SFSWAP: variants seen among roughly 807,000 people sequenced by gnomAD.
SFSWAP encodes splicing factor SWAP.
A neutral mutation model predicts 100.7 loss-of-function variants in SFSWAP; 17 were observed. That is an observed-to-expected ratio of 0.17 (90% CI 0.12 to 0.25). SFSWAP has a LOEUF of 0.25. Ranked by LOEUF, SFSWAP falls within the 10% of genes least tolerant of loss-of-function variation. The pLI is 1.00. For missense variants in SFSWAP, 1,005 were observed against 1,262.6 expected (o/e 0.80, Z 3.09); for synonymous variants, 504 against 510.1 (o/e 0.99, Z 0.16).
chr12:131,789,206 T>A lies in SFSWAP; in HGVS notation c.2534+2618T>A, dbSNP rs1885089904. On this transcript the variant is annotated intron_variant, in intron 15 of 17. Transcript: ENST00000261674. ...CATGTTGCCCAGGATGGTCTCAAAATCCTGAGCTCAAGCAGTCTGCCTATC... is the reference window on the plus strand; with the variant it reads ...CATGTTGCCCAGGATGGTCTCAAAAACCTGAGCTCAAGCAGTCTGCCTATC... Among the ~76,000 whole-genome samples, 5 of 152,128 alleles carry A rather than the reference T, an allele frequency of 3.3e-5. No homozygotes were observed. In the South Asian group the frequency reaches 1.0e-3, roughly 32 times the overall value.
intron 7 of SFSWAP, among the ~76,000 whole-genome samples, chr12:131,746,871 A>G (rs993850670): frequency 1.3e-4 from 20 of 152,236 alleles, no homozygotes; most frequent in African/African-American, 2.9e-4. Context: ...TTGGGAGGCC[A>G]AGGCGGGCAG....
rs1328024246 is a variant in SFSWAP, at chr12:131,733,971, G to T, written c.1081+5543G>T. ...AGCCCTGAGCCCACCCTGGGGCAGG[G>T]TGACACATGGGAGCAGGTCAGTGCC... On this transcript the variant is annotated intron_variant, in intron 7 of 17. Coordinates refer to ENST00000261674, the MANE Select transcript of SFSWAP (RefSeq NM_004592.4). The surrounding 1 kb of genome is among the most constrained non-coding windows in gnomAD (Gnocchi z 5.1). 2.0e-5 allele frequency among the ~76,000 whole-genome samples: 3 copies of T among 152,216 alleles called. No individual in the cohort carries two copies. The highest frequency in any genetic ancestry group is 6.5e-5 in the Admixed American group (1 of 15,284).
intron 7 of SFSWAP, among the ~76,000 whole-genome samples, chr12:131,741,906 G>C (rs147779009): frequency 6.6e-6 from 1 of 152,072 alleles, no homozygotes; most frequent in Admixed American, 6.6e-5. Context: ...TCCTGGGGGC[G>C]TGTGCAGGGT....
Position 131,725,145 on chromosome 12 carries a change from C to T in SFSWAP, c.607-260C>T, listed in dbSNP as rs1340348064. Among the ~76,000 whole-genome samples the T allele has an allele frequency of 6.6e-6, 1 of 152,156 alleles. No individual in the cohort carries two copies. Among genetic ancestry groups the T allele is most frequent in the Non-Finnish European group, 1.5e-5 (1 of 68,036 alleles). The stretch of plus-strand genomic sequence containing the variant: ...ACTTAAATATATAGAAAAATGTTGA[C>T]TTGGTGCACAAAGAAGTCACCTCCC... On this transcript the variant is annotated intron_variant, in intron 4 of 17. Coordinates refer to ENST00000261674, the MANE Select transcript of SFSWAP (RefSeq NM_004592.4). The surrounding 1 kb of genome is among the most constrained non-coding windows in gnomAD (Gnocchi z 4.3).
At chr12:131,748,421 A>T (rs1471934285) in intron 7 of SFSWAP, among the ~76,000 whole-genome samples, 1 of 152,098 alleles carries the variant, frequency 6.6e-6, no homozygotes, top group African/African-American at 2.4e-5. Flanking sequence ...TGGCCTCCCA[A>T]AGTGCTGGGA....
chr12:131,778,428 CGCTTTCATTAAGCA>C lies in SFSWAP; in HGVS notation c.2408+100_2408+113del. On this transcript the variant is annotated intron_variant, in intron 14 of 17. Transcript: ENST00000261674. This position sits in a 1 kb window ranked among gnomAD's most constrained non-coding sequence, Gnocchi z 4.2. Reference sequence around the variant, plus strand: ...TAGGTAGAACGTTTAAAATCAGTGCCGCTTTCATTAAGCAGACGCGTGTATGCATGTGCATGTGT... The same window carrying C: ...TAGGTAGAACGTTTAAAATCAGTGCCGACGCGTGTATGCATGTGCATGTGT... 4 of 1,522,284 alleles carry C rather than the reference CGCTTTCATTAAGCA, an allele frequency of 2.6e-6. No homozygotes were observed. Among genetic ancestry groups the C allele is most frequent in the Non-Finnish European group, 3.5e-6 (4 of 1,137,434 alleles). 94.3% of individuals were successfully genotyped at this position (1,522,284 alleles called of 1,614,324 possible). A position where few individuals can be genotyped will look rare whatever the true frequency, so the allele number is the denominator to read the frequency against.
At chr12:131,758,924 AAAATT>A (rs1212604904) in intron 11 of SFSWAP, among the ~76,000 whole-genome samples, 10 of 152,290 alleles carry the variant, frequency 6.6e-5, no homozygotes, top group South Asian at 2.1e-4. Flanking sequence ...GTCTCTACAA[AAAATT>A]AAATTAAATT....
chr12:131,767,685 C>G (rs1054908941), intron 13 of SFSWAP, among the ~76,000 whole-genome samples: 1 of 152,162 alleles, frequency 6.6e-6, no homozygotes, highest in Non-Finnish European at 1.5e-5. Flanking sequence ...TTTATAAAAT[C>G]TTTCTCAACC....
intron 1 of SFSWAP, 79 bp from the exon 2 acceptor site, chr12:131,713,992 A>G: frequency 1.1e-6 from 1 of 934,148 alleles, no homozygotes; most frequent in Non-Finnish European, 1.6e-6. Context: ...GTATATATAT[A>G]TACATATATA....
At chr12:131,721,136 C>CT (rs1878439034) in intron 4 of SFSWAP, among the ~76,000 whole-genome samples, 1 of 152,156 alleles carries the variant, frequency 6.6e-6, no homozygotes, top group South Asian at 2.1e-4. Flanking sequence ...CATTCACTGT[C>CT]TATCACGGGA....
At chr12:131,793,876 GGGGT>G (rs1885447733) in intron 15 of SFSWAP, among the ~76,000 whole-genome samples, 1 of 152,060 alleles carries the variant, frequency 6.6e-6, no homozygotes, top group Non-Finnish European at 1.5e-5. Flanking sequence ...GGACTAGACG[GGGGT>G]CACCCGTCCC....
intron 13 of SFSWAP, among the ~76,000 whole-genome samples, chr12:131,767,204 T>C (rs993319632): frequency 3.3e-5 from 5 of 151,922 alleles, no homozygotes; most frequent in African/African-American, 1.2e-4. Flanking sequence ...ATTGCTCCCA[T>C]GCGTGTCCGA....
chr12:131,732,042 T>C (rs1038812520), intron 7 of SFSWAP, among the ~76,000 whole-genome samples: 1 of 150,692 alleles, frequency 6.6e-6, no homozygotes, highest in Non-Finnish European at 1.5e-5. Context: ...CCCAAGTAGC[T>C]GGGATCACAG....
At chr12:131,789,280 G>A (rs910150129) in intron 15 of SFSWAP, among the ~76,000 whole-genome samples, 3 of 152,176 alleles carry the variant, frequency 2.0e-5, no homozygotes, top group Admixed American at 2.0e-4. Context: ...GCCCTGAAGG[G>A]TCATTTCTGT....
chr12:131,799,369 T>C lies in SFSWAP; in HGVS notation c.2791-54T>C, dbSNP rs372117997. ...CTCGTTGATGAATTTCTTCACCACG[T>C]GGGTTGTCTGGCCAGGTCTTCACAG... On this transcript the variant is annotated intron_variant, in intron 17 of 17. Coordinates refer to ENST00000261674, the MANE Select transcript of SFSWAP (RefSeq NM_004592.4). 3.6e-5 allele frequency: 55 copies of C among 1,542,674 alleles called. 1 individual carries two copies. The highest frequency in any genetic ancestry group is 5.0e-5 in the Admixed American group (3 of 59,914).
At chr12:131,735,752 G>C (rs897148459) in intron 7 of SFSWAP, among the ~76,000 whole-genome samples, 5 of 152,194 alleles carry the variant, frequency 3.3e-5, no homozygotes, top group Non-Finnish European at 5.9e-5. Context: ...GTGATGCCGG[G>C]CTTATATTAT....
At chr12:131,717,014 A>G (rs1337039503) in intron 3 of SFSWAP, among the ~76,000 whole-genome samples, 1 of 152,068 alleles carries the variant, frequency 6.6e-6, no homozygotes, top group Admixed American at 6.5e-5. Flanking sequence ...TTATATACTG[A>G]TTAATTTCGT....
At position 131,719,524 on chromosome 12, in the gene SFSWAP, G is replaced by A. The variant is rs773997327; in HGVS notation, c.591G>A (p.Pro197=). The A allele has an allele frequency of 2.2e-5, 36 of 1,613,482 alleles. No homozygotes were observed. The highest frequency in any genetic ancestry group is 2.9e-5 in the Non-Finnish European group (34 of 1,179,560). The change falls in exon 4 of 18, where the codon CCG becomes CCA. Residue 197 remains proline (P), a synonymous_variant. Transcript: ENST00000261674. ...PFVAPLGLSV[P]SDVELPPTAK... ...TTGCCCCCTTAGGATTGAGCGTCCC[G>A]TCTGACGTGGAGTTGGTATGTGTCC...
intron 7 of SFSWAP, among the ~76,000 whole-genome samples, chr12:131,742,548 A>C (rs545280867): frequency 9.2e-5 from 14 of 152,222 alleles, no homozygotes; most frequent in Non-Finnish European, 1.8e-4. Flanking sequence ...TTGACAAATG[A>C]GTAATCTTGC....
Sources: gnomAD v4.1 joint callset for allele counts (sites outside exome capture counted in the v4.1 genomes callset) on GRCh38, gnomAD v4.1.1 for gene constraint, Gnocchi (gnomAD v3.1) non-coding constraint, MANE v1.5 for transcripts, NCBI Gene and HGNC (gene_info 2026-07-23, HGNC 2026-07-21) for gene names.